Variants in JAK3 observed in about 807,000 individuals in gnomAD.
The protein encoded by JAK3 is tyrosine-protein kinase JAK3.
In JAK3, 88 loss-of-function variants were observed where a neutral mutation model predicts 120.8. The observed-to-expected ratio is 0.73, with a 90% CI of 0.61 to 0.87. The LOEUF (loss-of-function observed/expected upper bound fraction) is 0.87, where lower values mean the gene tolerates loss of function less well. JAK3 is among the 40% of genes least tolerant of loss of function. JAK3 has a pLI of 0.00. For missense variants in JAK3, 1,254 were observed against 1,501.4 expected, an observed-to-expected ratio of 0.84 and a Z score of 2.72; for synonymous variants, 592 against 628.6, an observed-to-expected ratio of 0.94 and a Z score of 0.87.
Position 17,838,530 on chromosome 19 carries a change from T to G in JAK3, c.1442-140A>C, listed in dbSNP as rs561064450. 8 of 930,514 alleles carry G rather than the reference T, an allele frequency of 8.6e-6. No individual in the cohort carries two copies. The East Asian group carries it at 2.1e-4, about 24-fold the overall frequency. The allele number at this position is 930,514 out of a possible 1,614,324, so 57.6% of individuals were successfully genotyped here. A position where few individuals can be genotyped will look rare whatever the true frequency, so the allele number is the denominator to read the frequency against. ...GACTTCAGGGCACATGGCTTTTTGTTGTTGTTTTTGTTTTGTTGTTGCTGC... is the reference window on the plus strand; with the variant it reads ...GACTTCAGGGCACATGGCTTTTTGTGGTTGTTTTTGTTTTGTTGTTGCTGC... On this transcript the variant is annotated intron_variant, in intron 10 of 23. Coordinates refer to ENST00000458235, the MANE Select transcript of JAK3 (RefSeq NM_000215.4).
chr19:17,841,692 G>A lies in JAK3; in HGVS notation c.932C>T (p.Pro311Leu), dbSNP rs781705937. 7 of 1,613,640 alleles carry A rather than the reference G, an allele frequency of 4.3e-6. No individual in the cohort carries two copies. The highest frequency in any genetic ancestry group is 4.5e-5 in the East Asian group (2 of 44,870). Residue 311 changes from proline to leucine, a missense_variant, in exon 7 of 24, where the codon CCG becomes CTG. Physicochemically the swap from Pro to Leu is moderately conservative, Grantham distance 98. Transcript: ENST00000458235. The surrounding 1 kb of genome is among the most constrained non-coding windows in gnomAD (Gnocchi z 4.1). ...AGTGACCAGGCGGTGCTCTCCGGCC[G>A]GGCCAACGCGCGGGGCCTGCTTGAT... is the stretch of plus-strand genomic sequence containing the variant. ...ISIKQAPRVG[P>L]AGEHRLVTVT... is the part of the protein sequence containing the mutation.
At position 17,842,788 on chromosome 19, in the gene JAK3, G is replaced by C. The variant is rs1356139424; in HGVS notation, c.567-178C>G. On this transcript the variant is annotated intron_variant, in intron 5 of 23. Coordinates refer to ENST00000458235, the MANE Select transcript of JAK3 (RefSeq NM_000215.4). This position sits in a 1 kb window ranked among gnomAD's most constrained non-coding sequence, Gnocchi z 6.4. ...GGACCGGACCTCAGAGTAGGGGAGG[G>C]CCATTGGCGCCCACAGGTCGGACAG... 4 of 834,146 alleles carry C rather than the reference G, an allele frequency of 4.8e-6. No homozygotes were observed. The highest frequency in any genetic ancestry group is 3.4e-5 in the African/African-American group (2 of 58,618). 51.7% of individuals were successfully genotyped at this position (834,146 alleles called of 1,614,324 possible).
intron 12 of JAK3, among the ~76,000 whole-genome samples, chr19:17,837,426 T>C (rs901942642): frequency 6.6e-6 from 1 of 152,066 alleles, no homozygotes; most frequent in Non-Finnish European, 1.5e-5. Flanking sequence ...TTGTTTTGTT[T>C]TGTTTTTGAG....
chr19:17,843,665 A>C lies in JAK3; in HGVS notation c.308+112T>G. On this transcript the variant is annotated intron_variant, in intron 3 of 23. Transcript: ENST00000458235. This position sits in a 1 kb window ranked among gnomAD's most constrained non-coding sequence, Gnocchi z 5.4. ...CCCACCCTCTCTGGTCTGTTTCCTCATCTGAGAAATGGGTAGTGACCATAC... is the reference window on the plus strand; with the variant it reads ...CCCACCCTCTCTGGTCTGTTTCCTCCTCTGAGAAATGGGTAGTGACCATAC... 7.1e-7 allele frequency: 1 copy of C among 1,406,246 alleles called. No homozygotes were observed. The highest frequency in any genetic ancestry group is 1.0e-6 in the Non-Finnish European group (1 of 992,444). 87.1% of individuals were successfully genotyped at this position (1,406,246 alleles called of 1,614,324 possible).
intron 1 of JAK3, among the ~76,000 whole-genome samples, chr19:17,846,081 G>A (rs986699404): frequency 2.0e-5 from 3 of 152,082 alleles, no homozygotes; most frequent in African/African-American, 7.2e-5. Flanking sequence ...GACTCCCAAA[G>A]TGCTGGGATT....
At position 17,843,221 on chromosome 19, in the gene JAK3, C is replaced by A. The variant is rs779745516; in HGVS notation, c.421-49G>T. 6.3e-7 allele frequency: 1 copy of A among 1,577,202 alleles called. No individual in the cohort carries two copies. The highest frequency in any genetic ancestry group is 8.6e-7 in the Non-Finnish European group (1 of 1,162,962). On this transcript the variant is annotated intron_variant, in intron 4 of 23. Transcript: ENST00000458235. This position sits in a 1 kb window ranked among gnomAD's most constrained non-coding sequence, Gnocchi z 5.4. ...TCAGCTGAGGCCACCCAACTTCAAG[C>A]CCTGTTGTTAACCTGCAGACCCCCC...
chr19:17,842,779 T>A lies in JAK3; in HGVS notation c.567-169A>T. The A allele has an allele frequency of 1.2e-6, 1 of 861,612 alleles. No homozygotes were observed. Among genetic ancestry groups the A allele is most frequent in the Non-Finnish European group, 1.8e-6 (1 of 567,140 alleles). 53.4% of individuals were successfully genotyped at this position (861,612 alleles called of 1,614,324 possible). On this transcript the variant is annotated intron_variant, in intron 5 of 23. Coordinates refer to ENST00000458235, the MANE Select transcript of JAK3 (RefSeq NM_000215.4). The surrounding 1 kb of genome is among the most constrained non-coding windows in gnomAD (Gnocchi z 6.4). Reference sequence around the variant, plus strand: ...CAGGTATGAGGACCGGACCTCAGAGTAGGGGAGGGCCATTGGCGCCCACAG... The same window carrying A: ...CAGGTATGAGGACCGGACCTCAGAGAAGGGGAGGGCCATTGGCGCCCACAG...
At position 17,841,130 on chromosome 19, in the gene JAK3, T is replaced by A. The variant is rs1254508815; in HGVS notation, c.1142+259A>T. Among the ~76,000 whole-genome samples, 1 of 152,116 alleles carries A rather than the reference T, an allele frequency of 6.6e-6. No individual in the cohort carries two copies. Among genetic ancestry groups the A allele is most frequent in the Non-Finnish European group, 1.5e-5 (1 of 68,010 alleles). On this transcript the variant is annotated intron_variant, in intron 8 of 23. Coordinates refer to ENST00000458235, the MANE Select transcript of JAK3 (RefSeq NM_000215.4). The surrounding 1 kb of genome is among the most constrained non-coding windows in gnomAD (Gnocchi z 4.1). The stretch of plus-strand genomic sequence containing the variant: ...CTATGCCTGGCCCTTCCTGGGAGAT[T>A]AAACAAGAGGCTGTAGGTGAAGGTG...
At chr19:17,847,481 G>C (rs918800807) in intron 1 of JAK3, among the ~76,000 whole-genome samples, 1 of 152,032 alleles carries the variant, frequency 6.6e-6, no homozygotes, top group South Asian at 2.1e-4. Flanking sequence ...TGGAGGTCTG[G>C]CTATGTTGCC....
At position 17,841,795 on chromosome 19, in the gene JAK3, C is replaced by G. The variant is rs199528928; in HGVS notation, c.862-33G>C. ...GGAGGGGGAGTACCGAAGTGGGGGC[C>G]CAGCTGGACCCCGCCAAACCACGCC... is the stretch of plus-strand genomic sequence containing the variant. On this transcript the variant is annotated intron_variant, in intron 6 of 23. Coordinates refer to ENST00000458235, the MANE Select transcript of JAK3 (RefSeq NM_000215.4). The surrounding 1 kb of genome is among the most constrained non-coding windows in gnomAD (Gnocchi z 4.1). The G allele has an allele frequency of 6.3e-7, 1 of 1,599,164 alleles. No individual in the cohort carries two copies.
At position 17,837,084 on chromosome 19, in the gene JAK3, A is replaced by T. The variant is rs1266968076; in HGVS notation, c.1786+45T>A. On this transcript the variant is annotated intron_variant, in intron 13 of 23. Transcript: ENST00000458235. ...AACAGAGGTGGGAAGAACAGCCTAGACTTGGGTGAGGCAGGGGTGGGGTGG... is the reference window on the plus strand; with the variant it reads ...AACAGAGGTGGGAAGAACAGCCTAGTCTTGGGTGAGGCAGGGGTGGGGTGG... The T allele has an allele frequency of 3.9e-6, 4 of 1,018,018 alleles. No homozygotes were observed. In the East Asian group the frequency reaches 2.9e-4, roughly 73 times the overall value. The allele number at this position is 1,018,018 out of a possible 1,614,324, so 63.1% of individuals were successfully genotyped here.
chr19:17,842,249 ACT>A lies in JAK3; in HGVS notation c.861+65_861+66del. On this transcript the variant is annotated intron_variant, in intron 6 of 23. Coordinates refer to ENST00000458235, the MANE Select transcript of JAK3 (RefSeq NM_000215.4). The surrounding 1 kb of genome is among the most constrained non-coding windows in gnomAD (Gnocchi z 6.4). Reference sequence around the variant, plus strand: ...TTGGCTCCGCCCCACATCCCCTACCACTCTCCGGCCCCTCCCCGAGCCCCGCC... The same window carrying A: ...TTGGCTCCGCCCCACATCCCCTACCACTCCGGCCCCTCCCCGAGCCCCGCC... The A allele has an allele frequency of 7.4e-7, 1 of 1,354,708 alleles. No individual in the cohort carries two copies. Among genetic ancestry groups the A allele is most frequent in the Non-Finnish European group, 9.6e-7 (1 of 1,046,850 alleles). 83.9% of individuals were successfully genotyped at this position (1,354,708 alleles called of 1,614,324 possible). A position where few individuals can be genotyped will look rare whatever the true frequency, so the allele number is the denominator to read the frequency against.
rs373418967 is a variant in JAK3, at chr19:17,834,865, A to G, written c.2186T>C (p.Leu729Pro). 12 of 1,614,062 alleles carry G rather than the reference A, an allele frequency of 7.4e-6. No homozygotes were observed. The highest frequency in any genetic ancestry group is 1.0e-5 in the Non-Finnish European group (12 of 1,180,036). ...FSGVTMPISA[L>P]DPAKKLQFYE... ...AGGGGCTCTGACCTTAGCAGGATCC[A>G]GGGCACTGATGGGCATGGTGACGCC... The change falls in exon 16 of 24, where the codon CTG becomes CCG. Residue 729 changes from leucine (L) to proline (P), a missense_variant. Transcript: ENST00000458235.
At position 17,842,679 on chromosome 19, in the gene JAK3, A is replaced by C. The variant is rs2147698245; in HGVS notation, c.567-69T>G. On this transcript the variant is annotated intron_variant, in intron 5 of 23. Coordinates refer to ENST00000458235, the MANE Select transcript of JAK3 (RefSeq NM_000215.4). The surrounding 1 kb of genome is among the most constrained non-coding windows in gnomAD (Gnocchi z 6.4). ...GGGGTCCCCGCGGGGACACACACAA[A>C]CCCAGGCTTTAGCCCAGGGGCTGGG... 7.7e-6 allele frequency: 11 copies of C among 1,427,686 alleles called. No homozygotes were observed. The highest frequency in any genetic ancestry group is 2.5e-5 in the Admixed American group (1 of 40,436). 88.4% of individuals were successfully genotyped at this position (1,427,686 alleles called of 1,614,324 possible). A position where few individuals can be genotyped will look rare whatever the true frequency, so the allele number is the denominator to read the frequency against.
At chr19:17,846,308 CG>C (rs2094252119) in intron 1 of JAK3, among the ~76,000 whole-genome samples, 1 of 152,076 alleles carries the variant, frequency 6.6e-6, no homozygotes, top group Non-Finnish European at 1.5e-5. Flanking sequence ...GATCAACAAA[CG>C]CCTGTTAAAC....
chr19:17,842,824 G>A lies in JAK3; in HGVS notation c.566+203C>T. ...CCACAGGTCGGACAGGGACCCCACAGGCCTTTTAGCTGGGGGAGGTCAGGT... is the reference window on the plus strand; with the variant it reads ...CCACAGGTCGGACAGGGACCCCACAAGCCTTTTAGCTGGGGGAGGTCAGGT... On this transcript the variant is annotated intron_variant, in intron 5 of 23. Transcript: ENST00000458235. This position sits in a 1 kb window ranked among gnomAD's most constrained non-coding sequence, Gnocchi z 6.4. The A allele has an allele frequency of 1.2e-6, 1 of 864,578 alleles. No individual in the cohort carries two copies. Among genetic ancestry groups the A allele is most frequent in the Admixed American group, 2.2e-5 (1 of 44,948 alleles). The allele number at this position is 864,578 out of a possible 1,614,324, so 53.6% of individuals were successfully genotyped here.
At chr19:17,838,874 C>T (rs947282006) in intron 10 of JAK3, among the ~76,000 whole-genome samples, 6 of 152,014 alleles carry the variant, frequency 3.9e-5, no homozygotes, top group Non-Finnish European at 7.4e-5. Context: ...TGCCAGCACA[C>T]CCAGCTAATT....
At position 17,835,068 on chromosome 19, in the gene JAK3, C is replaced by T. The variant is rs200237945; in HGVS notation, c.2047+15G>A. On this transcript the variant is annotated intron_variant, in intron 15 of 23. Transcript: ENST00000458235. Reference sequence around the variant, plus strand: ...CCCTGCTCAGCCCCTCCCTCCTCCACCTCCAGGAACTTACTCTCCAGGCTT... The same window carrying T: ...CCCTGCTCAGCCCCTCCCTCCTCCATCTCCAGGAACTTACTCTCCAGGCTT... 5.3e-5 allele frequency: 86 copies of T among 1,614,058 alleles called. No homozygotes were observed. Among genetic ancestry groups the T allele is most frequent in the Non-Finnish European group, 6.6e-5 (78 of 1,180,052 alleles).
At chr19:17,844,133 G>C in intron 2 of JAK3, 101 bp downstream of exon 2, 2 of 1,340,936 alleles carry the variant, frequency 1.5e-6, no homozygotes, top group South Asian at 2.5e-5. Context: ...CAAAGCCCCA[G>C]CTCCGATGCT....
Sources: gnomAD v4.1 joint callset for allele counts (sites outside exome capture counted in the v4.1 genomes callset) on GRCh38, gnomAD v4.1.1 for gene constraint, Gnocchi (gnomAD v3.1) non-coding constraint, MANE v1.5 for transcripts, NCBI Gene and HGNC (gene_info 2026-07-23, HGNC 2026-07-21) for gene names.